Variants in DNM3 observed in about 807,000 individuals in gnomAD.
DNM3 encodes dynamin-3.
In DNM3, 47 loss-of-function variants were observed where a neutral mutation model predicts 101.6. That is an observed-to-expected ratio of 0.46 (90% CI 0.37 to 0.59). The LOEUF (loss-of-function observed/expected upper bound fraction) is 0.59. DNM3 is among the 20% of genes least tolerant of loss of function. The probability of loss-of-function intolerance (pLI) is 0.00; values close to 1 mark genes in which losing one functional copy is unlikely to be tolerated. For synonymous variants in DNM3, 385 were observed against 387.9 expected (o/e 0.99, Z 0.09); for missense variants, 849 against 1,085.7 (o/e 0.78, Z 3.06).
At chr1:172,356,053 A>T (rs2067437253) in intron 17 of DNM3, among the ~76,000 whole-genome samples, 1 of 152,142 alleles carries the variant, frequency 6.6e-6, no homozygotes, top group South Asian at 2.1e-4. Context: ...AATCATCTTC[A>T]AAGTACAGAG....
chr1:171,988,977 A>G lies in DNM3; in HGVS notation c.418A>G (p.Ile140Val). The G allele has an allele frequency of 6.2e-7, 1 of 1,601,736 alleles. No homozygotes were observed. The highest frequency in any genetic ancestry group is 1.1e-5 in the South Asian group (1 of 88,754). The change falls in exon 4 of 21, where the codon ATA (isoleucine) becomes GTA (valine). Residue 140 changes from isoleucine (I) to valine (V), a missense_variant. Transcript: ENST00000627582. ...TCTAACCCTTATTGATCTACCTGGA[A>G]TAACTAAAGTGCCTGTGGGAGATCA... ...LNLTLIDLPG[I>V]TKVPVGDQPP...
intron 16 of DNM3, among the ~76,000 whole-genome samples, chr1:172,320,451 T>TA: frequency 6.7e-6 from 1 of 150,134 alleles, no homozygotes; most frequent in East Asian, 2.0e-4. Flanking sequence ...TTTGCAGCCA[T>TA]AAAAAAGGAT....
At chr1:172,135,273 GGA>G (rs1379716632) in intron 14 of DNM3, among the ~76,000 whole-genome samples, 1 of 152,016 alleles carries the variant, frequency 6.6e-6, no homozygotes, top group Non-Finnish European at 1.5e-5. Flanking sequence ...TACCACCAGG[GGA>G]CATAGCACTG....
rs60523795 is a variant in DNM3, at chr1:171,875,813, C to CTTTTTTTTTTTTTTTT, written c.161+33997_161+34012dup. 7.4e-4 allele frequency among the ~76,000 whole-genome samples: 77 copies of CTTTTTTTTTTTTTTTT among 104,668 alleles called. 9 individuals are homozygous for CTTTTTTTTTTTTTTTT. The highest frequency in any genetic ancestry group is 8.6e-4 in the African/African-American group (20 of 23,208). The allele number at this position is 104,668 out of a possible 152,430, so 68.7% of individuals were successfully genotyped here. A position where few individuals can be genotyped will look rare whatever the true frequency, so the allele number is the denominator to read the frequency against. On this transcript the variant is annotated intron_variant, in intron 1 of 20. Transcript: ENST00000627582. Reference sequence around the variant, plus strand: ...CAAGTCTAAAAAAAGAGTTGTCTCTCTTTTTTTTTTTTTTTTGAGATGGAG... The same window carrying CTTTTTTTTTTTTTTTT: ...CAAGTCTAAAAAAAGAGTTGTCTCTCTTTTTTTTTTTTTTTTTTTTTTTTTTTTTTTTGAGATGGAG...
chr1:172,196,147 A>G (rs1240859994), intron 14 of DNM3, among the ~76,000 whole-genome samples: 1 of 151,864 alleles, frequency 6.6e-6, no homozygotes. Flanking sequence ...ATAAGTGAGA[A>G]CATATGGTAT....
At chr1:172,299,473 G>A (rs553971847) in intron 15 of DNM3, among the ~76,000 whole-genome samples, 1 of 152,196 alleles carries the variant, frequency 6.6e-6, no homozygotes, top group South Asian at 2.1e-4. Context: ...GTGTACAAAT[G>A]ATCCCATTAC....
At chr1:172,389,799 G>A (rs1238539342) in intron 20 of DNM3, among the ~76,000 whole-genome samples, 3 of 152,264 alleles carry the variant, frequency 2.0e-5, no homozygotes, top group African/African-American at 7.2e-5. Context: ...TGGCACTTAC[G>A]TTTTATTTTA....
chr1:172,267,495 T>C (rs1273420032), intron 15 of DNM3, among the ~76,000 whole-genome samples: 2 of 152,120 alleles, frequency 1.3e-5, no homozygotes, highest in African/African-American at 4.8e-5. Flanking sequence ...CTCGGTAATA[T>C]ACAGACTGTA....
chr1:172,409,243 T>G lies in DNM3; in HGVS notation c.*1402T>G. ...GGTGTCCCATGACACTATTTCATATTCTACAGAAGTAAATCAGGTTTCACC... is the reference window on the plus strand; with the variant it reads ...GGTGTCCCATGACACTATTTCATATGCTACAGAAGTAAATCAGGTTTCACC... On this transcript the variant is annotated 3_prime_UTR_variant, in exon 21 of 21. Transcript: ENST00000627582. 3 of 985,384 alleles carry G rather than the reference T, an allele frequency of 3.0e-6. No individual in the cohort carries two copies. The highest frequency in any genetic ancestry group is 3.6e-6 in the Non-Finnish European group (3 of 829,904). The allele number at this position is 985,384 out of a possible 1,614,324, so 61.0% of individuals were successfully genotyped here. A position where few individuals can be genotyped will look rare whatever the true frequency, so the allele number is the denominator to read the frequency against.
In DNM3 at chr1:171,922,028, A is replaced by T. The variant is rs571614047; in HGVS notation, c.235+207A>T. Among the ~76,000 whole-genome samples, 15 of 152,194 alleles carry T rather than the reference A, an allele frequency of 9.9e-5. No homozygotes were observed. In the East Asian group the frequency reaches 2.7e-3, roughly 27 times the overall value. The stretch of plus-strand genomic sequence containing the variant: ...AGGGGATATTTTCATAGATTTTTTT[A>T]AAATACCTACTTAAAAAAATGTTTT... On this transcript the variant is annotated intron_variant, in intron 2 of 20. Transcript: ENST00000627582.
intron 20 of DNM3, among the ~76,000 whole-genome samples, chr1:172,404,673 C>T (rs1472779258): frequency 6.6e-6 from 1 of 152,064 alleles, no homozygotes; most frequent in Admixed American, 6.6e-5. Flanking sequence ...ATTCCTACTT[C>T]CAAGTTTTAT....
intron 14 of DNM3, among the ~76,000 whole-genome samples, chr1:172,159,925 A>C (rs2058481656): frequency 6.6e-6 from 1 of 152,074 alleles, no homozygotes; most frequent in Non-Finnish European, 1.5e-5. Flanking sequence ...TATGGTATAT[A>C]GCCCATTGCC....
chr1:172,073,936 C>T (rs972659362), intron 11 of DNM3, among the ~76,000 whole-genome samples: 9 of 152,126 alleles, frequency 5.9e-5, no homozygotes, highest in Non-Finnish European at 1.3e-4. Context: ...CTGTCAGCCT[C>T]CTCGTCTCCC....
intron 14 of DNM3, among the ~76,000 whole-genome samples, chr1:172,205,362 C>G (rs751104217): frequency 6.6e-6 from 1 of 152,064 alleles, no homozygotes; most frequent in Non-Finnish European, 1.5e-5. Flanking sequence ...AGTTCTTACA[C>G]TTTTTAGTCT....
intron 10 of DNM3, among the ~76,000 whole-genome samples, chr1:172,062,630 G>C (rs1231828821): frequency 6.6e-6 from 1 of 152,090 alleles, no homozygotes; most frequent in Non-Finnish European, 1.5e-5. Flanking sequence ...TCACCTAGTT[G>C]GGATCTGGCA....
At chr1:171,883,379 A>G in intron 1 of DNM3, among the ~76,000 whole-genome samples, 1 of 108,886 alleles carries the variant, frequency 9.2e-6, no homozygotes, top group Admixed American at 9.1e-5. Context: ...ACACACACAC[A>G]CACACACACA....
intron 13 of DNM3, among the ~76,000 whole-genome samples, chr1:172,098,324 T>C (rs538879323): frequency 1.3e-5 from 2 of 152,330 alleles, no homozygotes; most frequent in Non-Finnish European, 2.9e-5. Flanking sequence ...AACTCAGCCA[T>C]ATTTCTCCCA....
intron 15 of DNM3, among the ~76,000 whole-genome samples, chr1:172,286,645 A>G (rs1214259847): frequency 6.6e-6 from 1 of 152,162 alleles, no homozygotes; most frequent in Non-Finnish European, 1.5e-5. Context: ...CACCAGCCCC[A>G]CATCTCCAAC....
chr1:171,908,103 C>T (rs2038980127), intron 1 of DNM3, among the ~76,000 whole-genome samples: 1 of 152,074 alleles, frequency 6.6e-6, no homozygotes, highest in African/African-American at 2.4e-5. Flanking sequence ...TGTTGAATTC[C>T]ATTCCTTTCT....
Sources: allele counts gnomAD v4.1 joint callset (sites outside exome capture counted in the v4.1 genomes callset), GRCh38; gene constraint gnomAD v4.1.1; transcripts MANE v1.5; gene names NCBI Gene and HGNC (gene_info 2026-07-23, HGNC 2026-07-21).